Variants in EYS observed in about 807,000 individuals in gnomAD.
EYS encodes the protein protein eyes shut homolog.
In EYS, 250 loss-of-function variants were observed where a neutral mutation model predicts 282.1. The ratio of observed to expected loss-of-function variants is 0.89; its 90% CI spans 0.80 to 0.98. The LOEUF (loss-of-function observed/expected upper bound fraction) is 0.98. Among genes scored for constraint, EYS ranks in the 50% least tolerant of loss-of-function variants. The probability of loss-of-function intolerance (pLI) is 0.00; values close to 1 mark genes in which losing one functional copy is unlikely to be tolerated. For synonymous variants in EYS, 1,355 were observed against 1,282.9 expected (o/e 1.06, Z -1.20); for missense variants, 4,016 against 3,709.0 (o/e 1.08, Z -2.15).
At chr6:64,706,204 A>G (rs1264100595) in intron 22 of EYS, among the ~76,000 whole-genome samples, 3 of 152,144 alleles carry the variant, frequency 2.0e-5, no homozygotes, top group Non-Finnish European at 2.9e-5. Flanking sequence ...AAAGCAAACA[A>G]AAACATTAAG....
At chr6:64,539,807 G>A (rs932499867) in intron 26 of EYS, among the ~76,000 whole-genome samples, 2 of 152,132 alleles carry the variant, frequency 1.3e-5, no homozygotes, top group Admixed American at 6.5e-5. Flanking sequence ...CAACTAACAT[G>A]CATGTCCTCA....
intron 7 of EYS, among the ~76,000 whole-genome samples, chr6:65,384,733 A>G (rs1202229516): frequency 6.6e-6 from 1 of 151,926 alleles, no homozygotes; most frequent in Non-Finnish European, 1.5e-5. Context: ...TGGGAATTTA[A>G]GAATAAAATA....
At chr6:65,673,069 C>T (rs1377768994) in intron 1 of EYS, among the ~76,000 whole-genome samples, 1 of 152,106 alleles carries the variant, frequency 6.6e-6, no homozygotes, top group Non-Finnish European at 1.5e-5. Context: ...TTTTGTGATT[C>T]TTCAGTTGCT....
rs540845007 is a variant in EYS, at chr6:65,027,862, T to C, written c.2137+29752A>G. Among the ~76,000 whole-genome samples the C allele has an allele frequency of 8.5e-5, 13 of 152,322 alleles. 1 individual carries two copies. The South Asian group carries it at 2.3e-3, about 27-fold the overall frequency. Reference sequence around the variant, plus strand: ...ACGTATAAAGGTGAATATGAATATGTATAAATGTACCCTATAAACATTTGC... The same window carrying C: ...ACGTATAAAGGTGAATATGAATATGCATAAATGTACCCTATAAACATTTGC... On this transcript the variant is annotated intron_variant, in intron 13 of 42. Transcript: ENST00000503581.
At chr6:65,515,116 A>C (rs890203669) in intron 2 of EYS, among the ~76,000 whole-genome samples, 5 of 152,182 alleles carry the variant, frequency 3.3e-5, no homozygotes, top group African/African-American at 1.2e-4. Flanking sequence ...CAACCCCATC[A>C]AAAAGTGGGC....
chr6:64,587,251 T>C (rs1351499579), intron 26 of EYS, among the ~76,000 whole-genome samples: 1 of 152,014 alleles, frequency 6.6e-6, no homozygotes, highest in Non-Finnish European at 1.5e-5. Context: ...ACTCTAAAAT[T>C]ATAGGCTTGC....
chr6:64,757,457 G>A (rs1772979438), intron 22 of EYS, among the ~76,000 whole-genome samples: 1 of 152,034 alleles, frequency 6.6e-6, no homozygotes, highest in South Asian at 2.1e-4. Context: ...GCATATTGAG[G>A]AGTGGCACAT....
At chr6:64,354,645 C>T (rs557488171) in intron 29 of EYS, among the ~76,000 whole-genome samples, 11 of 151,308 alleles carry the variant, frequency 7.3e-5, no homozygotes, top group Non-Finnish European at 1.6e-4. Context: ...TGAAATTTCC[C>T]AGTAAATTAA....
chr6:65,605,450 G>A lies in EYS; in HGVS notation c.-333+34328C>T, dbSNP rs184147019. ...GTTGAGAATTATATACAATGTCCAC[G>A]TGCATATAAATTTGTACAGCCTTTT... On this transcript the variant is annotated intron_variant, in intron 2 of 42. Transcript: ENST00000503581. Among the ~76,000 whole-genome samples the A allele has an allele frequency of 2.7e-3, 414 of 151,868 alleles. 3 individuals are homozygous for A. Among genetic ancestry groups the A allele is most frequent in the African/African-American group, 9.5e-3 (395 of 41,458 alleles).
intron 5 of EYS, among the ~76,000 whole-genome samples, chr6:65,482,140 A>G (rs1765631381): frequency 6.6e-6 from 1 of 152,198 alleles, no homozygotes; most frequent in Admixed American, 6.5e-5. Context: ...CATAGTGACT[A>G]GAGAAACAAG....
intron 28 of EYS, among the ~76,000 whole-genome samples, chr6:64,403,621 T>C (rs1359519050): frequency 6.6e-6 from 1 of 152,176 alleles, no homozygotes; most frequent in African/African-American, 2.4e-5. Context: ...CTTCCCAAAG[T>C]GCTGGGATTA....
chr6:65,007,562 C>T (rs542622109), intron 13 of EYS, among the ~76,000 whole-genome samples: 1 of 152,188 alleles, frequency 6.6e-6, no homozygotes, highest in Admixed American at 6.5e-5. Context: ...AGACAACTGG[C>T]AATTATGTAA....
At chr6:65,100,162 G>A (rs980039421) in intron 12 of EYS, among the ~76,000 whole-genome samples, 2 of 150,782 alleles carry the variant, frequency 1.3e-5, no homozygotes, top group African/African-American at 2.4e-5. Flanking sequence ...GACAGTTCAC[G>A]ATTACCAGAT....
At chr6:64,592,755 G>A (rs1766451978) in intron 25 of EYS, among the ~76,000 whole-genome samples, 1 of 152,012 alleles carries the variant, frequency 6.6e-6, no homozygotes, top group Non-Finnish European at 1.5e-5. Flanking sequence ...TAATTTGATA[G>A]GAATATAAAT....
At chr6:63,841,315 T>C (rs1252044525) in intron 36 of EYS, among the ~76,000 whole-genome samples, 1 of 152,174 alleles carries the variant, frequency 6.6e-6, no homozygotes, top group African/African-American at 2.4e-5. Context: ...TTGAAACATA[T>C]TCATGGGATT....
rs145729175 is a variant in EYS, at chr6:65,571,786, C to A, written c.-333+67992G>T. Reference sequence around the variant, plus strand: ...TTTATAAAAAACATTTTTTAAAAAACCTTCGAAAAACAGTAAAGAAGATCC... The same window carrying A: ...TTTATAAAAAACATTTTTTAAAAAAACTTCGAAAAACAGTAAAGAAGATCC... On this transcript the variant is annotated intron_variant, in intron 2 of 42. Coordinates refer to ENST00000503581, the MANE Select transcript of EYS (RefSeq NM_001142800.2). Among the ~76,000 whole-genome samples, 535 of 151,900 alleles carry A rather than the reference C, an allele frequency of 3.5e-3. 3 individuals are homozygous for A. Among genetic ancestry groups the A allele is most frequent in the African/African-American group, 0.013 (520 of 41,488 alleles).
intron 8 of EYS, among the ~76,000 whole-genome samples, chr6:65,378,568 TA>T (rs1380482379): frequency 2.0e-5 from 3 of 152,200 alleles, no homozygotes; most frequent in South Asian, 4.1e-4. Flanking sequence ...CATTCTACTA[TA>T]AAGACACATG....
chr6:64,375,485 T>G (rs911496827), intron 29 of EYS, among the ~76,000 whole-genome samples: 1 of 152,238 alleles, frequency 6.6e-6, no homozygotes, highest in East Asian at 1.9e-4. Context: ...GGCTAATATA[T>G]GTTTGCATGT....
chr6:64,980,602 C>T (rs773105820), intron 14 of EYS, among the ~76,000 whole-genome samples: 3 of 151,332 alleles, frequency 2.0e-5, no homozygotes, highest in Non-Finnish European at 3.0e-5. Flanking sequence ...CTTTGTGTTC[C>T]TATCTCCTTC....
Sources: allele counts gnomAD v4.1 joint callset (sites outside exome capture counted in the v4.1 genomes callset), GRCh38; gene constraint gnomAD v4.1.1; transcripts MANE v1.5; gene names NCBI Gene and HGNC (gene_info 2026-07-23, HGNC 2026-07-21).